The following KIAA1328 variants were observed in gnomAD, a reference collection of about 807,000 sequenced individuals.
The protein encoded by KIAA1328 is KIAA1328, also known as protein hinderin.
Under a neutral mutation model 68.1 loss-of-function variants are expected in KIAA1328, and 52 were observed. The ratio of observed to expected loss-of-function variants is 0.76; its 90% CI spans 0.61 to 0.96. The LOEUF (loss-of-function observed/expected upper bound fraction) is 0.96. KIAA1328 is among the 40% of genes least tolerant of loss of function. The pLI, the probability that KIAA1328 is intolerant of heterozygous loss-of-function variation, is 0.00. For synonymous variants in KIAA1328, 232 were observed against 239.4 expected, an observed-to-expected ratio of 0.97 and a Z score of 0.28; for missense variants, 641 against 677.6, an observed-to-expected ratio of 0.95 and a Z score of 0.60.
intron 9 of KIAA1328, among the ~76,000 whole-genome samples, chr18:37,187,934 C>G (rs2059834634): frequency 6.6e-6 from 1 of 152,146 alleles, no homozygotes; most frequent in Admixed American, 6.5e-5. Context: ...GACACATGAC[C>G]TACCAGATAC....
chr18:36,885,555 A>C lies in KIAA1328; in HGVS notation c.333-2A>C. On this transcript the variant is annotated splice_acceptor_variant, in intron 4 of 9. Coordinates refer to ENST00000280020, the MANE Select transcript of KIAA1328 (RefSeq NM_020776.3). LOFTEE classifies it high-confidence loss of function. ...TTAAAGGTTTTTTTTTTTTTATTTC[A>C]GAGTAAGTGAGGAAAAGGAAGTGAC... 1 of 1,490,492 alleles carries C rather than the reference A, an allele frequency of 6.7e-7. No individual in the cohort carries two copies. Among genetic ancestry groups the C allele is most frequent in the Non-Finnish European group, 9.0e-7 (1 of 1,115,250 alleles). 92.3% of individuals were successfully genotyped at this position (1,490,492 alleles called of 1,614,324 possible). A position where few individuals can be genotyped will look rare whatever the true frequency, so the allele number is the denominator to read the frequency against.
At position 37,225,288 on chromosome 18, in the gene KIAA1328, G is replaced by T; in HGVS notation, c.*3061G>T. ...TGAATATGAGCAAATGTTTATGTACGTATGAGATTTCAAGTTAATAAATCA... is the reference window on the plus strand; with the variant it reads ...TGAATATGAGCAAATGTTTATGTACTTATGAGATTTCAAGTTAATAAATCA... On this transcript the variant is annotated 3_prime_UTR_variant, in exon 10 of 10. Coordinates refer to ENST00000280020, the MANE Select transcript of KIAA1328 (RefSeq NM_020776.3). 3 of 985,408 alleles carry T rather than the reference G, an allele frequency of 3.0e-6. No individual in the cohort carries two copies. The highest frequency in any genetic ancestry group is 3.6e-6 in the Non-Finnish European group (3 of 829,924). 61.0% of individuals were successfully genotyped at this position (985,408 alleles called of 1,614,324 possible).
chr18:37,026,670 ACAGC>A, intron 6 of KIAA1328, among the ~76,000 whole-genome samples: 1 of 152,338 alleles, frequency 6.6e-6, no homozygotes, highest in South Asian at 2.1e-4. Flanking sequence ...ACAAAATTCA[ACAGC>A]CCTTCATGCT....
intron 4 of KIAA1328, among the ~76,000 whole-genome samples, chr18:36,875,918 G>C (rs2048107178): frequency 6.8e-6 from 1 of 148,094 alleles, no homozygotes; most frequent in South Asian, 2.1e-4. Context: ...TGCATCTATT[G>C]AGGTAATCGT....
chr18:37,192,911 C>G (rs1046285361), intron 9 of KIAA1328, among the ~76,000 whole-genome samples: 8 of 152,130 alleles, frequency 5.3e-5, no homozygotes, highest in East Asian at 1.9e-4. Context: ...TTTGTCTGCA[C>G]ACAGGAAGAA....
chr18:37,008,380 C>A (rs1001879414), intron 6 of KIAA1328, among the ~76,000 whole-genome samples: 3 of 152,176 alleles, frequency 2.0e-5, no homozygotes, highest in African/African-American at 7.2e-5. Context: ...GTGGTGTAAA[C>A]CAAACTTACT....
chr18:36,962,024 TGGATAAAGAATCA>T (rs2051699089), intron 6 of KIAA1328, among the ~76,000 whole-genome samples: 2 of 152,228 alleles, frequency 1.3e-5, no homozygotes, highest in Non-Finnish European at 2.9e-5. Flanking sequence ...ACTGGCAAAT[TGGATAAAGAATCA>T]AGACCTATCA....
intron 7 of KIAA1328, among the ~76,000 whole-genome samples, chr18:37,152,591 G>A (rs535196143): frequency 6.6e-6 from 1 of 152,218 alleles, no homozygotes; most frequent in East Asian, 1.9e-4. Flanking sequence ...AGCACATTTT[G>A]TCTCCTGCAG....
chr18:36,843,952 A>G (rs903215529), intron 3 of KIAA1328, among the ~76,000 whole-genome samples: 7 of 152,130 alleles, frequency 4.6e-5, no homozygotes, highest in African/African-American at 1.7e-4. Context: ...TGTTTTCCTA[A>G]TAAACCCCAG....
chr18:37,067,453 A>G lies in KIAA1328; in HGVS notation c.1140A>G (p.Glu380=). Residue 380 remains glutamate, a synonymous_variant, in exon 7 of 10, where the codon GAA becomes GAG. Transcript: ENST00000280020. ...TTCAGAAAATGGAACTGGAAATTGA[A>G]AAGGAGCGCCTTCAGCATCTGCTGG... is the stretch of plus-strand genomic sequence containing the variant. The part of the protein sequence containing the change: ...LMLQKMELEI[E]KERLQHLLAQ... 6.3e-7 allele frequency: 1 copy of G among 1,577,280 alleles called. No individual in the cohort carries two copies. The highest frequency in any genetic ancestry group is 8.6e-7 in the Non-Finnish European group (1 of 1,161,714).
At chr18:37,016,232 A>AT (rs937700450) in intron 6 of KIAA1328, among the ~76,000 whole-genome samples, 1 of 152,036 alleles carries the variant, frequency 6.6e-6, no homozygotes, top group Admixed American at 6.6e-5. Flanking sequence ...ATTGAAAGCT[A>AT]TTTTGCATCT....
At chr18:36,907,785 C>G (rs2049276642) in intron 5 of KIAA1328, among the ~76,000 whole-genome samples, 1 of 152,108 alleles carries the variant, frequency 6.6e-6, no homozygotes, top group African/African-American at 2.4e-5. Context: ...GCATTTCCCC[C>G]TCTTCAATTT....
chr18:36,899,379 G>A (rs149489484), intron 5 of KIAA1328, among the ~76,000 whole-genome samples: 46 of 151,846 alleles, frequency 3.0e-4, no homozygotes, highest in African/African-American at 9.9e-4. Context: ...TACATGTTAC[G>A]TGAATGAATT....
intron 9 of KIAA1328, among the ~76,000 whole-genome samples, chr18:37,217,374 ATC>A (rs2060464711): frequency 6.6e-6 from 1 of 152,062 alleles, no homozygotes; most frequent in Admixed American, 6.5e-5. Context: ...TGGTGACAAA[ATC>A]TCTCAGCATT....
At chr18:37,082,685 G>A (rs1345887589) in intron 7 of KIAA1328, among the ~76,000 whole-genome samples, 1 of 152,178 alleles carries the variant, frequency 6.6e-6, no homozygotes, top group Non-Finnish European at 1.5e-5. Context: ...TACTTAAATT[G>A]TAATTAATGA....
intron 5 of KIAA1328, among the ~76,000 whole-genome samples, chr18:36,945,274 C>A (rs549709166): frequency 1.3e-5 from 2 of 152,284 alleles, no homozygotes; most frequent in African/African-American, 4.8e-5. Flanking sequence ...GTTTCAGAAT[C>A]ATTCTGCTGA....
At chr18:36,890,421 A>G (rs1447744351) in intron 5 of KIAA1328, among the ~76,000 whole-genome samples, 1 of 152,154 alleles carries the variant, frequency 6.6e-6, no homozygotes, top group Admixed American at 6.5e-5. Flanking sequence ...TTATAATCCC[A>G]GCACTTTGGG....
chr18:36,943,616 C>T (rs2050789531), intron 5 of KIAA1328, among the ~76,000 whole-genome samples: 1 of 152,082 alleles, frequency 6.6e-6, no homozygotes, highest in Non-Finnish European at 1.5e-5. Context: ...ACAATTTTTG[C>T]ACAGGTGGTA....
chr18:36,864,357 A>G (rs1416745585), intron 4 of KIAA1328, among the ~76,000 whole-genome samples: 1 of 148,256 alleles, frequency 6.7e-6, no homozygotes, highest in Non-Finnish European at 1.5e-5. Flanking sequence ...GCTGGAGTGC[A>G]GTGGCACAAT....
Sources: gnomAD v4.1 joint callset for allele counts (sites outside exome capture counted in the v4.1 genomes callset) on GRCh38, gnomAD v4.1.1 for gene constraint, MANE v1.5 for transcripts, NCBI Gene and HGNC (gene_info 2026-07-23, HGNC 2026-07-21) for gene names.